The following IKZF2 variants were observed in gnomAD, a reference collection of about 807,000 sequenced individuals.
The protein encoded by IKZF2 is IKAROS family zinc finger 2.
IKZF2 carries 15 observed loss-of-function variants against 49.2 expected under a neutral mutation model. The ratio of observed to expected loss-of-function variants is 0.30; its 90% confidence interval spans 0.20 to 0.47. The LOEUF (loss-of-function observed/expected upper bound fraction) is 0.47, where lower values mean the gene tolerates loss of function less well. Among genes scored for constraint, IKZF2 ranks in the 20% least tolerant of loss-of-function variants. The probability of loss-of-function intolerance (pLI) is 1.00; values close to 1 mark genes in which losing one functional copy is unlikely to be tolerated. For synonymous variants in IKZF2, 227 were observed against 221.4 expected (o/e 1.03, Z -0.23); for missense variants, 567 against 664.6 (o/e 0.85, Z 1.61).
In IKZF2 at chr2:213,055,155, G is replaced by T. The variant is rs189045324; in HGVS notation, c.406+1678C>A. ...AAAGCCATTAGACTGACTGTGTTTT[G>T]TTTGTATTTTACTAGATAGGAGAAG... On this transcript the variant is annotated intron_variant, in intron 5 of 8. Transcript: ENST00000434687. Among the ~76,000 whole-genome samples, 846 of 152,012 alleles carry T rather than the reference G, an allele frequency of 5.6e-3. 2 individuals carry two copies. Among genetic ancestry groups the T allele is most frequent in the Admixed American group, 8.1e-3 (124 of 15,224 alleles).
intron 4 of IKZF2, among the ~76,000 whole-genome samples, chr2:213,066,316 C>T (rs1293378643): frequency 6.6e-6 from 1 of 151,966 alleles, no homozygotes; most frequent in African/African-American, 2.4e-5. Context: ...TATCACTGGG[C>T]AACGGCAACA....
At chr2:213,046,383 G>A (rs4458156) in intron 6 of IKZF2, among the ~76,000 whole-genome samples, 80,426 of 151,978 alleles carry the variant, frequency 0.53, 21,954 homozygotes, top group East Asian at 0.76. Flanking sequence ...GCTTCAACCC[G>A]TATGTATGGC....
At chr2:213,150,472 C>CTCG (rs1355683269) in intron 1 of IKZF2, 3 of 271,626 alleles carry the variant, frequency 1.1e-5, no homozygotes, top group South Asian at 3.8e-5. Context: ...CCTCCTCCTC[C>CTCG]TCCTCGTCCT....
intron 6 of IKZF2, among the ~76,000 whole-genome samples, chr2:213,024,243 C>T (rs1303813346): frequency 6.6e-6 from 1 of 152,122 alleles, no homozygotes; most frequent in Non-Finnish European, 1.5e-5. Flanking sequence ...TATTAGGTGA[C>T]ATGTTGGATT....
chr2:213,144,644 T>C (rs1368550270), intron 4 of IKZF2, among the ~76,000 whole-genome samples: 1 of 151,956 alleles, frequency 6.6e-6, no homozygotes, highest in Non-Finnish European at 1.5e-5. Context: ...ACACTGTGTA[T>C]TTCCAATAGC....
chr2:213,056,501 T>C, intron 5 of IKZF2: 1 of 402,052 alleles, frequency 2.5e-6, no homozygotes, highest in Non-Finnish European at 4.7e-6. Flanking sequence ...TACCTGCCCA[T>C]GGGTATGGTA....
chr2:213,034,120 T>C (rs1181204206), intron 6 of IKZF2, among the ~76,000 whole-genome samples: 1 of 152,246 alleles, frequency 6.6e-6, no homozygotes, highest in Non-Finnish European at 1.5e-5. Flanking sequence ...TTCTGCAGTT[T>C]CCTCACATCT....
At chr2:213,012,209 C>A (rs1696041374) in intron 8 of IKZF2, among the ~76,000 whole-genome samples, 1 of 151,706 alleles carries the variant, frequency 6.6e-6, no homozygotes, top group African/African-American at 2.4e-5. Flanking sequence ...GAAAAATATT[C>A]TCTCAAATTC....
At chr2:213,147,309 G>A (rs73079233) in intron 4 of IKZF2, 4,869 of 352,068 alleles carry the variant, frequency 0.014, 213 homozygotes, top group African/African-American at 0.093. Flanking sequence ...TATCACTGAC[G>A]GTTTAGCTTT....
chr2:213,072,426 T>C (rs1018984944), intron 4 of IKZF2, among the ~76,000 whole-genome samples: 1 of 152,054 alleles, frequency 6.6e-6, no homozygotes, highest in East Asian at 1.9e-4. Flanking sequence ...CACAGTGTTA[T>C]ACAATAGTAA....
intron 8 of IKZF2, among the ~76,000 whole-genome samples, 182 bp downstream of exon 8, chr2:213,013,609 G>C (rs1696224217): frequency 6.6e-6 from 1 of 151,908 alleles, no homozygotes; most frequent in Non-Finnish European, 1.5e-5. Context: ...ATATGTATTT[G>C]TGTGTGTTGG....
At chr2:213,097,819 T>C (rs546660783) in intron 4 of IKZF2, 5 of 165,686 alleles carry the variant, frequency 3.0e-5, no homozygotes, top group Non-Finnish European at 6.7e-5. Flanking sequence ...TTATTTGTAA[T>C]TAAAAGGTGA....
intron 4 of IKZF2, among the ~76,000 whole-genome samples, chr2:213,087,523 CT>C (rs2125614177): frequency 6.6e-6 from 1 of 152,144 alleles, no homozygotes; most frequent in South Asian, 2.1e-4. Flanking sequence ...ACTTTAAGTT[CT>C]AGGGTACATG....
intron 4 of IKZF2, among the ~76,000 whole-genome samples, chr2:213,108,948 G>A (rs1042590052): frequency 5.3e-5 from 8 of 151,658 alleles, no homozygotes; most frequent in Non-Finnish European, 8.8e-5. Context: ...TATATGGCAC[G>A]CTTTTCTTTA....
At chr2:213,077,341 T>A (rs1190392696) in intron 4 of IKZF2, among the ~76,000 whole-genome samples, 2 of 152,162 alleles carry the variant, frequency 1.3e-5, no homozygotes, top group Non-Finnish European at 2.9e-5. Flanking sequence ...CTTTTTTCCA[T>A]CACAGAAATA....
At chr2:213,049,358 C>T (rs760877786) in intron 6 of IKZF2, among the ~76,000 whole-genome samples, 85 of 152,058 alleles carry the variant, frequency 5.6e-4, no homozygotes, top group Middle Eastern at 3.4e-3. Flanking sequence ...TACAGTAACT[C>T]GAAACATAAC....
At chr2:213,057,697 A>T (rs1430344636) in intron 4 of IKZF2, among the ~76,000 whole-genome samples, 1 of 152,206 alleles carries the variant, frequency 6.6e-6, no homozygotes, top group African/African-American at 2.4e-5. Flanking sequence ...ATATAAATGT[A>T]GTACACAGAC....
chr2:213,113,000 C>T (rs1366884227), intron 4 of IKZF2, among the ~76,000 whole-genome samples: 2 of 152,036 alleles, frequency 1.3e-5, no homozygotes, highest in Non-Finnish European at 2.9e-5. Context: ...AAACTTGCAT[C>T]CCCAAAATAC....
intron 4 of IKZF2, among the ~76,000 whole-genome samples, chr2:213,073,292 T>C (rs973307681): frequency 1.3e-5 from 2 of 152,206 alleles, no homozygotes; most frequent in African/African-American, 4.8e-5. Flanking sequence ...TCCTAGGTTC[T>C]ACTGCTGGTT....
Sources: allele counts gnomAD v4.1 joint callset (sites outside exome capture counted in the v4.1 genomes callset), GRCh38; gene constraint gnomAD v4.1.1; transcripts MANE v1.5; gene names NCBI Gene and HGNC (gene_info 2026-07-23, HGNC 2026-07-21).